DNAJC10: variants seen among roughly 807,000 people sequenced by gnomAD.
The protein encoded by DNAJC10 is DnaJ heat shock protein family (Hsp40) member C10.
A neutral mutation model predicts 115.0 loss-of-function variants in DNAJC10; 101 were observed. That is an observed-to-expected ratio of 0.88 (90% confidence interval 0.75 to 1.04). DNAJC10 has a LOEUF of 1.04. Ranked by LOEUF, DNAJC10 falls within the 50% of genes least tolerant of loss-of-function variation. The pLI, the probability that DNAJC10 is intolerant of heterozygous loss-of-function variation, is 0.00. For missense variants in DNAJC10, 981 were observed against 928.8 expected (o/e 1.06, Z -0.73); for synonymous variants, 307 against 301.5 (o/e 1.02, Z -0.19).
At chr2:182,747,743 C>A (rs1693906649) in intron 14 of DNAJC10, among the ~76,000 whole-genome samples, 1 of 144,850 alleles carries the variant, frequency 6.9e-6, no homozygotes, top group South Asian at 2.3e-4. Context: ...CCTAATTGCC[C>A]TGGCCAGAAC....
At chr2:182,721,929 G>A in intron 4 of DNAJC10, 96 bp from the exon 5 acceptor site, 2 of 684,444 alleles carry the variant, frequency 2.9e-6, no homozygotes, top group Non-Finnish European at 2.4e-6. Context: ...ATAGTAGTTT[G>A]ATTTTTTTGA....
Position 182,752,121 on chromosome 2 carries a change from ATCT to A in DNAJC10, c.1489_1491del (p.Leu497del), listed in dbSNP as rs1694038157. Reference sequence around the variant, plus strand: ...CTACCAGAGTTACGAAGAGCATCAAATCTTCTTTATGGTCAGCTTAAGTTTGGT... The same window carrying A: ...CTACCAGAGTTACGAAGAGCATCAAATCTTTATGGTCAGCTTAAGTTTGGT... On this transcript the variant is annotated inframe_deletion, in exon 16 of 24. Coordinates refer to ENST00000264065, the MANE Select transcript of DNAJC10 (RefSeq NM_018981.4). The A allele has an allele frequency of 2.5e-6, 4 of 1,613,730 alleles. No individual in the cohort carries two copies. The highest frequency in any genetic ancestry group is 1.1e-5 in the South Asian group (1 of 91,054).
rs139068409 is a variant in DNAJC10, at chr2:182,766,791, T to G, written c.2265+3990T>G. On this transcript the variant is annotated intron_variant, in intron 22 of 23. Coordinates refer to ENST00000264065, the MANE Select transcript of DNAJC10 (RefSeq NM_018981.4). ...CGCAGCCACCTAATCATACAAATGT[T>G]CGCTGACCGGGGGTATAATCTAAGA... 5.3e-5 allele frequency among the ~76,000 whole-genome samples: 8 copies of G among 152,202 alleles called. No homozygotes were observed. The East Asian group carries it at 1.4e-3, about 26-fold the overall frequency.
Position 182,790,750 on chromosome 2 carries a change from C to G in DNAJC10, c.*13618C>G, listed in dbSNP as rs1316455441. ...GTTACAGTGAGCTGAGGTCACGTCA[C>G]TGTACTCCAGCCTGGGCAACAAGAG... On this transcript the variant is annotated 3_prime_UTR_variant, in exon 24 of 24. Coordinates refer to ENST00000264065, the MANE Select transcript of DNAJC10 (RefSeq NM_018981.4). The G allele has an allele frequency of 1.3e-5, 2 of 149,612 alleles. No homozygotes were observed. The allele number at this position is 149,612 out of a possible 1,614,324, so 9.3% of individuals were successfully genotyped here. A position where few individuals can be genotyped will look rare whatever the true frequency, so the allele number is the denominator to read the frequency against.
rs752678420 is a variant in DNAJC10 at position 182,740,400 on chromosome 2, A to T, written c.1077+12A>T. 6.4e-7 allele frequency: 1 copy of T among 1,552,420 alleles called. No individual in the cohort carries two copies. The highest frequency in any genetic ancestry group is 2.2e-5 in the Admixed American group (1 of 46,442). The stretch of plus-strand genomic sequence containing the variant: ...CAAACACACTAGAGGTAATGTTTTT[A>T]TTAATAATGATAAGTAGCAATGAAT... On this transcript the variant is annotated intron_variant, in intron 12 of 23. Transcript: ENST00000264065.
intron 17 of DNAJC10, among the ~76,000 whole-genome samples, chr2:182,755,451 T>TC (rs1694133701): frequency 6.6e-6 from 1 of 151,260 alleles, no homozygotes; most frequent in South Asian, 2.1e-4. Flanking sequence ...TTTTTTTTTT[T>TC]CTCAGTAACA....
chr2:182,792,631 A>C lies in DNAJC10; in HGVS notation c.*15499A>C, dbSNP rs541606027. 5.9e-5 allele frequency: 9 copies of C among 152,230 alleles called. No homozygotes were observed. Among genetic ancestry groups the C allele is most frequent in the Non-Finnish European group, 1.3e-4 (9 of 68,042 alleles). 9.4% of individuals were successfully genotyped at this position (152,230 alleles called of 1,614,324 possible). On this transcript the variant is annotated 3_prime_UTR_variant, in exon 24 of 24. Coordinates refer to ENST00000264065, the MANE Select transcript of DNAJC10 (RefSeq NM_018981.4). ...CTTTCTTGATAAATTAGAGGCCTAT[A>C]ACCTCAAACCAGTTTATCTGCAAGA...
At chr2:182,734,744 T>C (rs998876394) in intron 10 of DNAJC10, among the ~76,000 whole-genome samples, 2 of 151,854 alleles carry the variant, frequency 1.3e-5, no homozygotes, top group Non-Finnish European at 3.0e-5. Flanking sequence ...TGCTTTGTTA[T>C]TAGATGGATA....
At chr2:182,776,621 C>G (rs2105712853) in intron 23 of DNAJC10, among the ~76,000 whole-genome samples, 1 of 152,284 alleles carries the variant, frequency 6.6e-6, no homozygotes, top group South Asian at 2.1e-4. Context: ...GTTCAAACTG[C>G]AGACCCCAAT....
Position 182,736,261 on chromosome 2 carries a change from A to G in DNAJC10, c.862A>G (p.Asn288Asp). The part of the protein sequence containing the change: ...RLSGMLDGLV[N>D]VGWMDCATQD... ...CTTTCCATTTTAGGATGGTCTTGTTAATGTAGGATGGATGGACTGTGCCAC... is the reference window on the plus strand; with the variant it reads ...CTTTCCATTTTAGGATGGTCTTGTTGATGTAGGATGGATGGACTGTGCCAC... The change falls in exon 11 of 24, where the codon AAT (asparagine) becomes GAT (aspartate). Residue 288 changes from asparagine to aspartate, a missense_variant. Coordinates refer to ENST00000264065, the MANE Select transcript of DNAJC10 (RefSeq NM_018981.4). 2 of 1,566,212 alleles carry G rather than the reference A, an allele frequency of 1.3e-6. No homozygotes were observed. Among genetic ancestry groups the G allele is most frequent in the Non-Finnish European group, 1.7e-6 (2 of 1,163,714 alleles).
Position 182,759,298 on chromosome 2 carries a change from C to T in DNAJC10, c.2136C>T (p.Leu712=). Residue 712 remains leucine, a synonymous_variant, in exon 21 of 24, where the codon CTC becomes CTT. Coordinates refer to ENST00000264065, the MANE Select transcript of DNAJC10 (RefSeq NM_018981.4). Reference sequence around the variant, plus strand: ...AGAATTTTGCTCCAGAATTTGAGCTCTTGGCTAGGGTAAGTCATACCTGTC... The same window carrying T: ...AGAATTTTGCTCCAGAATTTGAGCTTTTGGCTAGGGTAAGTCATACCTGTC... ...PCQNFAPEFE[L]LARMIKGKVK... 1 of 1,610,220 alleles carries T rather than the reference C, an allele frequency of 6.2e-7. No homozygotes were observed. The highest frequency in any genetic ancestry group is 8.5e-7 in the Non-Finnish European group (1 of 1,179,174).
At position 182,779,801 on chromosome 2, in the gene DNAJC10, CA is replaced by C. The variant is rs1001854374; in HGVS notation, c.*2676del. 1 of 151,870 alleles carries C rather than the reference CA, an allele frequency of 6.6e-6. No homozygotes were observed. The highest frequency in any genetic ancestry group is 2.1e-4 in the South Asian group (1 of 4,814). 9.4% of individuals were successfully genotyped at this position (151,870 alleles called of 1,614,324 possible). A position where few individuals can be genotyped will look rare whatever the true frequency, so the allele number is the denominator to read the frequency against. On this transcript the variant is annotated 3_prime_UTR_variant, in exon 24 of 24. Coordinates refer to ENST00000264065, the MANE Select transcript of DNAJC10 (RefSeq NM_018981.4). Reference sequence around the variant, plus strand: ...GGAATTTTTTTAGAAGTACGGTTATCAAAAAAACACATTTCCTATGGGACAC... The same window carrying C: ...GGAATTTTTTTAGAAGTACGGTTATCAAAAAACACATTTCCTATGGGACAC...
In DNAJC10 at chr2:182,718,165, G is replaced by A; in HGVS notation, c.79G>A (p.Ala27Thr). The A allele has an allele frequency of 6.2e-7, 1 of 1,613,470 alleles. No individual in the cohort carries two copies. The highest frequency in any genetic ancestry group is 8.5e-7 in the Non-Finnish European group (1 of 1,179,718). Residue 27 changes from alanine (A) to threonine (T), a missense_variant, in exon 3 of 24, where the codon GCC (alanine) becomes ACC (threonine). Physicochemically the swap from Ala to Thr is moderately conservative, Grantham distance 58. Coordinates refer to ENST00000264065, the MANE Select transcript of DNAJC10 (RefSeq NM_018981.4). ...IILCFLIVYM[A>T]ILVGTDQDFY... Reference sequence around the variant, plus strand: ...TCTCTGTTTTCTGATAGTGTATATGGCCATTTTAGTGGGCACAGATCAGGA... The same window carrying A: ...TCTCTGTTTTCTGATAGTGTATATGACCATTTTAGTGGGCACAGATCAGGA...
chr2:182,757,748 T>C lies in DNAJC10; in HGVS notation c.1866T>C (p.Phe622=). ...GSIDCQQYHS[F]CAQENVQRYP... Reference sequence around the variant, plus strand: ...TAGATTGCCAACAGTATCATTCTTTTTGTGCCCAGGAAAACGTTCAAAGAT... The same window carrying C: ...TAGATTGCCAACAGTATCATTCTTTCTGTGCCCAGGAAAACGTTCAAAGAT... The change falls in exon 19 of 24, where the codon TTT becomes TTC. Residue 622 remains phenylalanine (F), a synonymous_variant. Coordinates refer to ENST00000264065, the MANE Select transcript of DNAJC10 (RefSeq NM_018981.4). 6.2e-7 allele frequency: 1 copy of C among 1,605,452 alleles called. No homozygotes were observed. The highest frequency in any genetic ancestry group is 2.2e-5 in the East Asian group (1 of 44,534).
At chr2:182,776,011 G>A (rs901965758) in intron 23 of DNAJC10, among the ~76,000 whole-genome samples, 1 of 152,026 alleles carries the variant, frequency 6.6e-6, no homozygotes, top group Non-Finnish European at 1.5e-5. Context: ...TTTATTTTGG[G>A]AATATGGAAA....
chr2:182,757,875 AC>A, intron 19 of DNAJC10, 50 bp downstream of exon 19: 3 of 1,109,240 alleles, frequency 2.7e-6, no homozygotes, highest in Non-Finnish European at 3.8e-6. Context: ...ATTTAATTAT[AC>A]ACTTAACAGT....
intron 22 of DNAJC10, among the ~76,000 whole-genome samples, chr2:182,766,096 G>A (rs548466638): frequency 1.3e-5 from 2 of 152,120 alleles, no homozygotes; most frequent in South Asian, 2.1e-4. Flanking sequence ...AAGCCTTAAG[G>A]AAAAAGGGGA....
intron 22 of DNAJC10, among the ~76,000 whole-genome samples, chr2:182,767,200 G>GT (rs1559024912): frequency 1.3e-5 from 2 of 152,098 alleles, no homozygotes; most frequent in Non-Finnish European, 2.9e-5. Context: ...CACGCAGAGC[G>GT]TACCGGTGCC....
rs542534933 is a variant in DNAJC10 at position 182,739,225 on chromosome 2, CAT to C, written c.988-1067_988-1066del. ...ATATATATTTATATATATAATATCT[CAT>C]ATATATTTATATATATATATATCTC... On this transcript the variant is annotated intron_variant, in intron 11 of 23. Transcript: ENST00000264065. Among the ~76,000 whole-genome samples the C allele has an allele frequency of 4.9e-3, 708 of 143,952 alleles. 12 individuals carry two copies. Among genetic ancestry groups the C allele is most frequent in the African/African-American group, 0.017 (675 of 39,720 alleles). The allele number at this position is 143,952 out of a possible 152,430, so 94.4% of individuals were successfully genotyped here.
Sources: allele counts gnomAD v4.1 joint callset (sites outside exome capture counted in the v4.1 genomes callset), GRCh38; gene constraint gnomAD v4.1.1; transcripts MANE v1.5; gene names NCBI Gene and HGNC (gene_info 2026-07-23, HGNC 2026-07-21).